The following TMEM25 variants were observed in gnomAD, a reference collection of about 807,000 sequenced individuals.
TMEM25 encodes the protein 0610039J01Rik.
TMEM25 carries 36 observed loss-of-function variants against 37.0 expected under a neutral mutation model. The ratio of observed to expected loss-of-function variants is 0.97; its 90% confidence interval spans 0.75 to 1.28. The LOEUF (loss-of-function observed/expected upper bound fraction) is 1.28, where lower values mean the gene tolerates loss of function less well. Among genes scored for constraint, TMEM25 ranks in the 50% most tolerant of loss-of-function variants. The pLI is 0.00. For synonymous variants in TMEM25, 197 were observed against 203.7 expected (o/e 0.97, Z 0.28); for missense variants, 444 against 477.9 (o/e 0.93, Z 0.66).
chr11:118,545,688 A>C, intron 8 of TMEM25: 1 of 1,312,714 alleles, frequency 7.6e-7, no homozygotes, highest in Non-Finnish European at 1.1e-6. Context: ...CTTAAAGTGA[A>C]GGCTGAAACT....
chr11:118,543,386 C>T (rs116213028), intron 8 of TMEM25, among the ~76,000 whole-genome samples: 2,243 of 152,188 alleles, frequency 0.015, 61 homozygotes, highest in African/African-American at 0.052. Flanking sequence ...CTACCAGCGC[C>T]GGCAATGACT....
downstream of TMEM25, among the ~76,000 whole-genome samples, chr11:118,536,198 C>CT (rs1158700334): frequency 6.7e-3 from 917 of 137,562 alleles, 8 homozygotes; most frequent in African/African-American, 0.016. Context: ...CTTTTCTTTT[C>CT]TTTTTTTTTT....
In TMEM25 at chr11:118,532,417, G is replaced by A; in HGVS notation, c.338G>A (p.Arg113Lys). The A allele has an allele frequency of 1.2e-6, 2 of 1,614,120 alleles. No individual in the cohort carries two copies. The highest frequency in any genetic ancestry group is 1.7e-6 in the Non-Finnish European group (2 of 1,179,980). Residue 113 changes from arginine (R) to lysine (K), a missense_variant, in exon 3 of 9, where the codon AGA becomes AAA. Coordinates refer to ENST00000313236, the MANE Select transcript of TMEM25 (RefSeq NM_032780.4). The stretch of plus-strand genomic sequence containing the variant: ...CTCAACTGCTCTCTGCAGGACCCCA[G>A]AAGTGGCCGATCAGCCAACGCCTCT... ...HELNCSLQDP[R>K]SGRSANASVI...
rs914772228 is a variant in TMEM25, at chr11:118,535,627, T to G, written c.*1047T>G. On this transcript the variant is annotated 3_prime_UTR_variant, in exon 9 of 9. Coordinates refer to ENST00000313236, the MANE Select transcript of TMEM25 (RefSeq NM_032780.4). ...ACATAATTCAACAGTGTGGAAGCTT[T>G]AGGGGAACATGGAGAAAGAAGGAGA... 6.5e-6 allele frequency: 10 copies of G among 1,527,494 alleles called. No homozygotes were observed. The Admixed American group carries it at 7.9e-5, about 12-fold the overall frequency. The allele number at this position is 1,527,494 out of a possible 1,614,324, so 94.6% of individuals were successfully genotyped here.
rs782735164 is a variant in TMEM25, at chr11:118,533,866, G to A, written c.815G>A (p.Arg272Gln). ...GTTTCTTTCTCCACAGGCCCCTCCC[G>A]GCACCCATCTCTGATATCAAGGTAA... ...RKEKKTKGPS[R>Q]HPSLISSDSN... Residue 272 changes from arginine to glutamine, a missense_variant, in exon 6 of 9, where the codon CGG becomes CAG. By Grantham distance (43) the Arg-to-Gln change is conservative. Transcript: ENST00000313236. 1.5e-5 allele frequency: 24 copies of A among 1,614,032 alleles called. No individual in the cohort carries two copies. The Middle Eastern group carries it at 6.6e-4, about 45-fold the overall frequency.
At chr11:118,542,978 A>C (rs1454340658) in intron 8 of TMEM25, among the ~76,000 whole-genome samples, 1 of 152,304 alleles carries the variant, frequency 6.6e-6, no homozygotes, top group East Asian at 1.9e-4. Flanking sequence ...GCAGTGGCTC[A>C]TGCCTGTAAT....
At chr11:118,542,166 G>A (rs1951587002) in intron 8 of TMEM25, among the ~76,000 whole-genome samples, 1 of 152,192 alleles carries the variant, frequency 6.6e-6, no homozygotes, top group Non-Finnish European at 1.5e-5. Context: ...GGGTACATCT[G>A]GTGAGGGTCT....
Position 118,534,222 on chromosome 11 carries a change from C to T in TMEM25, c.938-44C>T. The T allele has an allele frequency of 6.2e-7, 1 of 1,613,658 alleles. No homozygotes were observed. ...GTGCTTGGGAGGGGCGAGGCCTCAT[C>T]AGGCACACTCCTCGTCCTGAACACT... On this transcript the variant is annotated intron_variant, in intron 7 of 8. Transcript: ENST00000313236. This position sits in a 1 kb window ranked among gnomAD's most constrained non-coding sequence, Gnocchi z 4.6.
chr11:118,545,604 TG>T (rs1565342558), intron 8 of TMEM25: 2 of 1,114,424 alleles, frequency 1.8e-6, no homozygotes, highest in Non-Finnish European at 1.3e-6. Flanking sequence ...GCTATGACTT[TG>T]GGGGTTAAAT....
intron 8 of TMEM25, among the ~76,000 whole-genome samples, chr11:118,543,145 A>G (rs143349280): frequency 0.013 from 1,979 of 152,292 alleles, 49 homozygotes; most frequent in African/African-American, 0.045. Flanking sequence ...CGGGAGGCAT[A>G]GGCAGGAGAA....
intron 3 of TMEM25, 123 bp from the exon 4 acceptor site, chr11:118,532,794 C>T: frequency 1.4e-6 from 2 of 1,380,606 alleles, no homozygotes; most frequent in Non-Finnish European, 2.0e-6. Context: ...CCCAGCCATC[C>T]TGTTCCTCAG....
In TMEM25 at chr11:118,531,880, C is replaced by T; in HGVS notation, c.70+9C>T. 6.4e-7 allele frequency: 1 copy of T among 1,551,610 alleles called. No individual in the cohort carries two copies. Among genetic ancestry groups the T allele is most frequent in the Non-Finnish European group, 8.7e-7 (1 of 1,146,992 alleles). ...AGCCCTTCTGAGCTCAGGTACACCC[C>T]TGTTCAGTCGTTGACCAAGTCCTTC... On this transcript the variant is annotated intron_variant, in intron 2 of 8. Transcript: ENST00000313236.
chr11:118,537,523 T>A (rs1166922323), downstream of TMEM25, among the ~76,000 whole-genome samples: 1 of 152,228 alleles, frequency 6.6e-6, no homozygotes, highest in Admixed American at 6.5e-5. Flanking sequence ...ACTATATGTT[T>A]GTACCCTTTA....
chr11:118,536,869 CAG>C (rs374947783), downstream of TMEM25, among the ~76,000 whole-genome samples: 66 of 152,222 alleles, frequency 4.3e-4, no homozygotes, highest in South Asian at 0.012. Flanking sequence ...TGTGTATATA[CAG>C]AGAGAGCGCA....
rs781838600 is a variant in TMEM25 at position 118,545,472 on chromosome 11, G to A, written c.1028-647G>A. On this transcript the variant is annotated intron_variant, in intron 8 of 8. Transcript: ENST00000354284. ...GATGGAGGGACTGGATCCGACTCTT[G>A]TAGACAGGGATGTCTAGAATGGCTG... 5 of 1,613,346 alleles carry A rather than the reference G, an allele frequency of 3.1e-6. No homozygotes were observed. In the East Asian group the frequency reaches 6.7e-5, roughly 22 times the overall value.
downstream of TMEM25, among the ~76,000 whole-genome samples, chr11:118,536,224 G>A (rs1951508067): frequency 7.2e-6 from 1 of 138,906 alleles, no homozygotes; most frequent in East Asian, 2.2e-4. Context: ...ACAGAGTTTT[G>A]CTCATGTTGC....
chr11:118,541,475 A>AAAAAAAAAAAAAG (rs534709160), intron 8 of TMEM25, among the ~76,000 whole-genome samples: 2 of 137,346 alleles, frequency 1.5e-5, no homozygotes, highest in South Asian at 2.2e-4. Context: ...AAAAAAAAAA[A>AAAAAAAAAAAAAG]AAAAGAAAAA....
At chr11:118,535,964 G>A (rs1327399317), downstream of TMEM25, 13 of 468,476 alleles carry the variant, frequency 2.8e-5, no homozygotes, top group Middle Eastern at 1.0e-3. Flanking sequence ...TGCAACCTCC[G>A]CCTCCCAGAT....
Position 118,533,252 on chromosome 11 carries a change from CAG to C in TMEM25, c.673+46_673+47del, listed in dbSNP as rs530622217. On this transcript the variant is annotated intron_variant, in intron 4 of 8. Coordinates refer to ENST00000313236, the MANE Select transcript of TMEM25 (RefSeq NM_032780.4). ...GGCCCTGCAAAGCTTCAGGTGGGCT[CAG>C]GGGTCCCGTCCCCATACAGAAATGG... is the stretch of plus-strand genomic sequence containing the variant. The C allele has an allele frequency of 1.7e-4, 269 of 1,560,728 alleles. No homozygotes were observed. In the African/African-American group the frequency reaches 3.1e-3, roughly 18 times the overall value.
Sources: allele counts gnomAD v4.1 joint callset (sites outside exome capture counted in the v4.1 genomes callset), GRCh38; gene constraint gnomAD v4.1.1; non-coding constraint Gnocchi (gnomAD v3.1); transcripts MANE v1.5; gene names NCBI Gene and HGNC (gene_info 2026-07-23, HGNC 2026-07-21).